SBF2: variants seen among roughly 807,000 people sequenced by gnomAD.
The protein encoded by SBF2 is SET binding factor 2.
SBF2 carries 112 observed loss-of-function variants against 225.2 expected under a neutral mutation model. The ratio of observed to expected loss-of-function variants is 0.50; its 90% CI spans 0.43 to 0.58. The LOEUF (loss-of-function observed/expected upper bound fraction) is 0.58. Among genes scored for constraint, SBF2 ranks in the 20% least tolerant of loss-of-function variants. SBF2 has a pLI of 0.00. For missense variants in SBF2, 1,996 were observed against 2,206.2 expected, an observed-to-expected ratio of 0.90 and a Z score of 1.91; for synonymous variants, 763 against 773.3, an observed-to-expected ratio of 0.99 and a Z score of 0.22.
chr11:9,959,804 G>C, intron 16 of SBF2: 1 of 607,800 alleles, frequency 1.6e-6, no homozygotes, highest in South Asian at 1.4e-5. Context: ...GGTGTTCTGG[G>C]CACTGAGCAG....
At chr11:9,795,749 G>T in intron 33 of SBF2, 82 bp downstream of exon 33, 1 of 1,506,166 alleles carries the variant, frequency 6.6e-7, no homozygotes. Context: ...GTCAGTCTTG[G>T]GGATAGTTAC....
intron 2 of SBF2, among the ~76,000 whole-genome samples, chr11:10,069,113 T>G (rs1950749459): frequency 6.6e-6 from 1 of 152,226 alleles, no homozygotes; most frequent in Non-Finnish European, 1.5e-5. Flanking sequence ...CCATTTACCC[T>G]TATTTAGATA....
At chr11:10,297,470 A>G (rs188617614), upstream of SBF2, among the ~76,000 whole-genome samples, 7 of 152,288 alleles carry the variant, frequency 4.6e-5, no homozygotes, top group African/African-American at 1.7e-4. Context: ...AATTATTGCC[A>G]TATTAAAGGT....
At chr11:9,921,834 C>T (rs1863655856) in intron 16 of SBF2, among the ~76,000 whole-genome samples, 1 of 152,184 alleles carries the variant, frequency 6.6e-6, no homozygotes, top group African/African-American at 2.4e-5. Context: ...GCTATTGCAA[C>T]TAACAGATAA....
At chr11:9,835,096 T>C (rs1047211062) in intron 26 of SBF2, among the ~76,000 whole-genome samples, 3 of 152,144 alleles carry the variant, frequency 2.0e-5, no homozygotes, top group African/African-American at 7.2e-5. Context: ...CTGCCACCCA[T>C]CCTAACCCAC....
rs188209438 is a variant in SBF2 at position 10,194,155 on chromosome 11, C to T, written c.56-168G>A. Among the ~76,000 whole-genome samples, 9 of 152,160 alleles carry T rather than the reference C, an allele frequency of 5.9e-5. No individual in the cohort carries two copies. The East Asian group carries it at 1.4e-3, about 23-fold the overall frequency. On this transcript the variant is annotated intron_variant, in intron 1 of 39. Transcript: ENST00000256190. ...GAGTATGCATCATCTAAACATTATG[C>T]AGTAGGACCTCCATATCCATGGGTT...
At chr11:9,932,863 G>A (rs1412900767) in intron 16 of SBF2, among the ~76,000 whole-genome samples, 2 of 148,256 alleles carry the variant, frequency 1.3e-5, no homozygotes, top group African/African-American at 5.0e-5. Context: ...AAGACCCATC[G>A]GTGTGCTCTA....
At chr11:9,920,019 A>G (rs1863475023) in intron 16 of SBF2, among the ~76,000 whole-genome samples, 1 of 152,076 alleles carries the variant, frequency 6.6e-6, no homozygotes, top group Non-Finnish European at 1.5e-5. Context: ...GGTGTGAGCC[A>G]CCATGCCCGG....
intron 6 of SBF2, among the ~76,000 whole-genome samples, chr11:10,019,032 T>C (rs1948749086): frequency 2.6e-5 from 4 of 152,192 alleles, no homozygotes; most frequent in Admixed American, 2.6e-4. Flanking sequence ...GTGCTAATTA[T>C]ATTCTACTAT....
intron 2 of SBF2, among the ~76,000 whole-genome samples, chr11:10,047,141 A>G (rs1187808335): frequency 6.6e-6 from 1 of 152,194 alleles, no homozygotes; most frequent in Non-Finnish European, 1.5e-5. Context: ...ATAAATGAAG[A>G]GAGATTCTAT....
rs573891958 is a variant in SBF2, at chr11:9,805,905, G to A, written c.4443+2095C>T. ...CAAAGTGCTGGGATTACAGGCGTGAGCCACCACGCCCGACCAGGATATTCT... is the reference window on the plus strand; with the variant it reads ...CAAAGTGCTGGGATTACAGGCGTGAACCACCACGCCCGACCAGGATATTCT... On this transcript the variant is annotated intron_variant, in intron 32 of 39. Coordinates refer to ENST00000256190, the MANE Select transcript of SBF2 (RefSeq NM_030962.4). 5.9e-5 allele frequency among the ~76,000 whole-genome samples: 9 copies of A among 152,342 alleles called. No homozygotes were observed. The East Asian group carries it at 9.6e-4, about 16-fold the overall frequency.
At chr11:9,841,096 C>T (rs1349542701) in intron 25 of SBF2, among the ~76,000 whole-genome samples, 2 of 152,032 alleles carry the variant, frequency 1.3e-5, no homozygotes, top group African/African-American at 2.4e-5. Context: ...AAAGATATGG[C>T]CCTCTTTCAT....
chr11:10,301,412 A>T (rs563282689), intron 1 of SBF2, among the ~76,000 whole-genome samples: 1 of 152,226 alleles, frequency 6.6e-6, no homozygotes, highest in Non-Finnish European at 1.5e-5. Context: ...GATCAAATCC[A>T]CAAGGCTGAT....
At chr11:9,945,163 G>C (rs540879437) in intron 16 of SBF2, among the ~76,000 whole-genome samples, 2 of 151,996 alleles carry the variant, frequency 1.3e-5, no homozygotes, top group Non-Finnish European at 2.9e-5. Context: ...AGCAAACAAA[G>C]CCGGAGGCAT....
rs186959280 is a variant in SBF2, at chr11:9,864,750, T to C, written c.1930-6354A>G. Among the ~76,000 whole-genome samples, 23 of 152,286 alleles carry C rather than the reference T, an allele frequency of 1.5e-4. No individual in the cohort carries two copies. The East Asian group carries it at 4.1e-3, about 27-fold the overall frequency. On this transcript the variant is annotated intron_variant, in intron 17 of 39. Coordinates refer to ENST00000256190, the MANE Select transcript of SBF2 (RefSeq NM_030962.4). ...TGTGTCTTAAGTTGTTTAGTAAATA[T>C]TAAGAGTTCAGAGGATAAATCAATT...
chr11:9,891,227 A>G (rs185576631), intron 17 of SBF2, among the ~76,000 whole-genome samples: 2 of 152,154 alleles, frequency 1.3e-5, no homozygotes, highest in Non-Finnish European at 2.9e-5. Flanking sequence ...GAATAATACA[A>G]AAGTATGCTA....
At chr11:10,024,996 T>C (rs1185983085) in intron 6 of SBF2, among the ~76,000 whole-genome samples, 1 of 152,220 alleles carries the variant, frequency 6.6e-6, no homozygotes, top group South Asian at 2.1e-4. Flanking sequence ...ATTTCAAATA[T>C]AGTTATTTTA....
chr11:10,186,324 G>T (rs1042414909), intron 2 of SBF2, among the ~76,000 whole-genome samples: 2 of 152,136 alleles, frequency 1.3e-5, no homozygotes, highest in African/African-American at 4.8e-5. Context: ...GATTACTTGA[G>T]GCCAGGAGTT....
chr11:10,234,014 T>C lies in SBF2; in HGVS notation c.56-40027A>G, dbSNP rs572628844. 7.2e-5 allele frequency among the ~76,000 whole-genome samples: 11 copies of C among 152,308 alleles called. No homozygotes were observed. The South Asian group carries it at 2.3e-3, about 32-fold the overall frequency. Reference sequence around the variant, plus strand: ...CTCCTAACTCCACCTCAGCATCTTCTTCCCAAAGGACCTAACAGATATAAT... The same window carrying C: ...CTCCTAACTCCACCTCAGCATCTTCCTCCCAAAGGACCTAACAGATATAAT... On this transcript the variant is annotated intron_variant, in intron 1 of 39. Transcript: ENST00000256190.
Sources: allele counts gnomAD v4.1 joint callset (sites outside exome capture counted in the v4.1 genomes callset), GRCh38; gene constraint gnomAD v4.1.1; transcripts MANE v1.5; gene names NCBI Gene and HGNC (gene_info 2026-07-23, HGNC 2026-07-21).